The following CCDC7 variants were observed in gnomAD, a reference collection of about 807,000 sequenced individuals.
CCDC7 encodes coiled-coil domain-containing protein 7.
CCDC7 carries 183 observed loss-of-function variants against 196.9 expected under a neutral mutation model. The observed-to-expected ratio is 0.93, with a 90% CI of 0.82 to 1.05. The LOEUF is 1.05. Among genes scored for constraint, CCDC7 ranks in the 50% least tolerant of loss-of-function variants. The pLI, the probability that CCDC7 is intolerant of heterozygous loss-of-function variation, is 0.00. For missense variants in CCDC7, 1,540 were observed against 1,482.2 expected (o/e 1.04, Z -0.64); for synonymous variants, 525 against 484.6 (o/e 1.08, Z -1.10).
intron 16 of CCDC7, among the ~76,000 whole-genome samples, chr10:32,577,595 T>A (rs769559909): frequency 7.2e-5 from 11 of 152,274 alleles, no homozygotes; most frequent in Non-Finnish European, 1.5e-4. Context: ...TCCATAAGAT[T>A]TTATGACCTT....
chr10:32,859,946 A>T (rs1010693552), intron 41 of CCDC7, among the ~76,000 whole-genome samples: 3 of 152,212 alleles, frequency 2.0e-5, no homozygotes, highest in South Asian at 4.1e-4. Context: ...AAAAAAGTCC[A>T]GGACCAGACG....
At chr10:32,669,293 T>C (rs752574391) in intron 21 of CCDC7, among the ~76,000 whole-genome samples, 14 of 152,128 alleles carry the variant, frequency 9.2e-5, no homozygotes, top group Non-Finnish European at 1.5e-4. Context: ...CGAATTTAGT[T>C]TGTTAGTATT....
At chr10:32,591,279 C>T (rs994591503) in intron 18 of CCDC7, among the ~76,000 whole-genome samples, 3 of 151,884 alleles carry the variant, frequency 2.0e-5, no homozygotes, top group African/African-American at 7.3e-5. Flanking sequence ...TCTTGAAACT[C>T]TCTAATTTTT....
At chr10:32,616,360 T>C (rs2062768934) in intron 18 of CCDC7, among the ~76,000 whole-genome samples, 1 of 151,922 alleles carries the variant, frequency 6.6e-6, no homozygotes. Context: ...GTTCTCCTTA[T>C]AGAGATCTTT....
chr10:32,852,012 G>C, intron 40 of CCDC7, 80 bp downstream of exon 41: 1 of 1,411,288 alleles, frequency 7.1e-7, no homozygotes, highest in Non-Finnish European at 9.5e-7. Context: ...AGTTGTAATA[G>C]CTTTAGTCAT....
chr10:32,593,796 TA>T, intron 18 of CCDC7, among the ~76,000 whole-genome samples: 1 of 152,336 alleles, frequency 6.6e-6, no homozygotes, highest in Non-Finnish European at 1.5e-5. Flanking sequence ...CACCATTTAT[TA>T]AATAGGGAAT....
upstream of CCDC7, among the ~76,000 whole-genome samples, chr10:32,445,941 C>T (rs2030807080): frequency 6.6e-6 from 1 of 152,200 alleles, no homozygotes; most frequent in Admixed American, 6.5e-5. Flanking sequence ...GCTCAGGGGG[C>T]GTCCTGGAAT....
At chr10:32,521,082 G>C (rs376296044) in intron 11 of CCDC7, among the ~76,000 whole-genome samples, 60 of 151,814 alleles carry the variant, frequency 4.0e-4, no homozygotes, top group African/African-American at 1.4e-3. Flanking sequence ...TCTATGTGTC[G>C]GCTTTTTTGC....
At chr10:32,840,352 T>G (rs1202632872) in intron 33 of CCDC7, among the ~76,000 whole-genome samples, 1 of 151,714 alleles carries the variant, frequency 6.6e-6, no homozygotes, top group African/African-American at 2.4e-5. Flanking sequence ...TATAAAACAT[T>G]ATTCAAGGCT....
chr10:32,704,075 G>C (rs554433164), intron 24 of CCDC7, among the ~76,000 whole-genome samples: 1 of 152,206 alleles, frequency 6.6e-6, no homozygotes, highest in South Asian at 2.1e-4. Flanking sequence ...CGTTCCTTTG[G>C]AGGAGGAGAG....
intron 23 of CCDC7, among the ~76,000 whole-genome samples, chr10:32,691,197 G>A (rs2077039348): frequency 6.6e-6 from 1 of 152,152 alleles, no homozygotes; most frequent in South Asian, 2.1e-4. Context: ...TTCTCTGATT[G>A]ATTTCAATAT....
Position 32,874,439 on chromosome 10 carries a change from C to T in CCDC7, c.4112-1908C>T, listed in dbSNP as rs1438359651. Among the ~76,000 whole-genome samples the T allele has an allele frequency of 6.6e-5, 10 of 151,486 alleles. No individual in the cohort carries two copies. In the East Asian group the frequency reaches 1.8e-3, roughly 27 times the overall value. On this transcript the variant is annotated intron_variant, in intron 41 of 41. Coordinates refer to ENST00000639629, the Ensembl canonical transcript of CCDC7. ...TTTTCATCCCTCACCCACCTGTCAT[C>T]CTCTCCCCTTCTGAGCCTCCAGTGT...
chr10:32,785,299 A>G (rs2081663414), intron 29 of CCDC7, among the ~76,000 whole-genome samples: 1 of 152,208 alleles, frequency 6.6e-6, no homozygotes, highest in Non-Finnish European at 1.5e-5. Context: ...ATTTTCTATG[A>G]TGCAATAAAA....
rs2052040224 is a variant in CCDC7, at chr10:32,544,311, C to A, written c.1134+10C>A. ...TTTGGATCAAGTACAGGTAACACAC[C>A]CACTCTCTCTATGCATCAATATTTG... On this transcript the variant is annotated intron_variant, in intron 13 of 41. Coordinates refer to ENST00000639629, the Ensembl canonical transcript of CCDC7. 6.2e-7 allele frequency: 1 copy of A among 1,604,592 alleles called. No individual in the cohort carries two copies. Among genetic ancestry groups the A allele is most frequent in the Non-Finnish European group, 8.5e-7 (1 of 1,175,368 alleles).
chr10:32,529,489 A>G (rs2049285360), intron 11 of CCDC7, among the ~76,000 whole-genome samples: 1 of 152,064 alleles, frequency 6.6e-6, no homozygotes, highest in African/African-American at 2.4e-5. Flanking sequence ...GTGGTATTGC[A>G]TTGTGGTTTT....
rs552863979 is a variant in CCDC7, at chr10:32,696,340, TCA to T, written c.2458+1351_2458+1352del. 2.6e-5 allele frequency among the ~76,000 whole-genome samples: 4 copies of T among 152,250 alleles called. No individual in the cohort carries two copies. The South Asian group carries it at 8.3e-4, about 32-fold the overall frequency. On this transcript the variant is annotated intron_variant, in intron 24 of 41. Transcript: ENST00000639629. ...ATTCTCATGCCAGGGATTTTGGGGA[TCA>T]CAGTCGCCTGTGCACTATTATGCAA...
chr10:32,835,057 A>G (rs1197236493), intron 33 of CCDC7, among the ~76,000 whole-genome samples, 159 bp downstream of exon 34: 5 of 152,124 alleles, frequency 3.3e-5, no homozygotes, highest in Admixed American at 6.6e-5. Flanking sequence ...TTTGCTATCA[A>G]TGGAACATTA....
intron 28 of CCDC7, among the ~76,000 whole-genome samples, chr10:32,754,698 G>A (rs887266086): frequency 6.6e-6 from 1 of 152,174 alleles, no homozygotes; most frequent in Non-Finnish European, 1.5e-5. Flanking sequence ...ACAGCTCCCA[G>A]CATGAGCAAC....
intron 41 of CCDC7, among the ~76,000 whole-genome samples, chr10:32,870,720 A>G (rs533005126): frequency 2.4e-4 from 37 of 152,254 alleles, no homozygotes; most frequent in African/African-American, 8.9e-4. Flanking sequence ...TCAGTATGAT[A>G]TTGGCTGTGG....
Sources: gnomAD v4.1 joint callset for allele counts (sites outside exome capture counted in the v4.1 genomes callset) on GRCh38, gnomAD v4.1.1 for gene constraint, MANE v1.5 for transcripts, NCBI Gene and HGNC (gene_info 2026-07-23, HGNC 2026-07-21) for gene names.